Variants in MYO5B observed in about 807,000 individuals in gnomAD.
MYO5B encodes the protein myosin VB, also known as unconventional myosin-Vb.
A neutral mutation model predicts 229.3 loss-of-function variants in MYO5B; 143 were observed. That is an observed-to-expected ratio of 0.62 (90% CI 0.54 to 0.72). The LOEUF (loss-of-function observed/expected upper bound fraction) is 0.72. Among genes scored for constraint, MYO5B ranks in the 30% least tolerant of loss-of-function variants. The probability of loss-of-function intolerance (pLI) is 0.00; values close to 1 mark genes in which losing one functional copy is unlikely to be tolerated. For synonymous variants in MYO5B, 918 were observed against 885.2 expected (o/e 1.04, Z -0.66); for missense variants, 2,321 against 2,331.0 (o/e 1.00, Z 0.09).
intron 1 of MYO5B, among the ~76,000 whole-genome samples, chr18:50,122,934 G>T (rs1212628562): frequency 6.6e-6 from 1 of 152,150 alleles, no homozygotes; most frequent in East Asian, 1.9e-4. Context: ...GCTGAACACA[G>T]AATTACCATG....
At chr18:49,863,158 A>T in intron 29 of MYO5B, 69 bp downstream of exon 29, 1 of 1,247,946 alleles carries the variant, frequency 8.0e-7, no homozygotes, top group Non-Finnish European at 1.2e-6. Context: ...GGAAAACCCC[A>T]AACAGACTCG....
intron 1 of MYO5B, among the ~76,000 whole-genome samples, chr18:50,178,882 A>C (rs2033033299): frequency 1.3e-5 from 2 of 152,298 alleles, no homozygotes. Flanking sequence ...GTCAGATTTC[A>C]GGGATGTTAA....
intron 4 of MYO5B, among the ~76,000 whole-genome samples, chr18:50,021,151 G>A (rs143646507): frequency 1.3e-5 from 2 of 152,324 alleles, no homozygotes; most frequent in African/African-American, 4.8e-5. Context: ...CCTCCTCTGA[G>A]GAGCCATTGA....
chr18:49,987,815 C>G (rs2025886815), intron 7 of MYO5B, among the ~76,000 whole-genome samples: 1 of 152,142 alleles, frequency 6.6e-6, no homozygotes, highest in South Asian at 2.1e-4. Flanking sequence ...GATGTACCAC[C>G]AGAGATTGGT....
At chr18:49,875,945 T>G in intron 25 of MYO5B, 118 bp from the exon 26 acceptor site, 1 of 1,163,104 alleles carries the variant, frequency 8.6e-7, no homozygotes, top group South Asian at 1.3e-5. Context: ...CTCCCAAACA[T>G]CAATTTGCAT....
chr18:49,955,993 T>C (rs557027556), intron 12 of MYO5B, among the ~76,000 whole-genome samples: 1 of 152,232 alleles, frequency 6.6e-6, no homozygotes, highest in Non-Finnish European at 1.5e-5. Context: ...CTTCTTGCCT[T>C]GGAGATGAAA....
chr18:50,088,879 G>A (rs76943101), intron 1 of MYO5B, among the ~76,000 whole-genome samples: 5,770 of 152,152 alleles, frequency 0.038, 361 homozygotes, highest in African/African-American at 0.13. Context: ...CAAAAGACTT[G>A]GCCCAACAGA....
In MYO5B at chr18:50,025,625, A is replaced by T. The variant is rs114449072; in HGVS notation, c.455+11225T>A. Among the ~76,000 whole-genome samples, 711 of 152,362 alleles carry T rather than the reference A, an allele frequency of 4.7e-3. 5 individuals carry two copies. The highest frequency in any genetic ancestry group is 0.016 in the African/African-American group (662 of 41,586). On this transcript the variant is annotated intron_variant, in intron 4 of 39. Coordinates refer to ENST00000285039, the MANE Select transcript of MYO5B (RefSeq NM_001080467.3). ...TATATCCTAATAGAATCAAAGAGCT[A>T]CTAGACAGTGCAGTGCTCTTTAACC...
chr18:49,912,101 TTTGTCTGTGTTGGCGAGCTCTCTCTTC>T lies in MYO5B; in HGVS notation c.2136_2162del (p.Arg714_Lys722del). ...CCAGGACAGACCTGCAGATGGCCTT[TTTGTCTGTGTTGGCGAGCTCTCTCTTC>T]TTGACCAGCACCCGATACCGGTTGA... On this transcript the variant is annotated inframe_deletion, in exon 18 of 40. Coordinates refer to ENST00000285039, the MANE Select transcript of MYO5B (RefSeq NM_001080467.3). 1 of 1,614,070 alleles carries T rather than the reference TTTGTCTGTGTTGGCGAGCTCTCTCTTC, an allele frequency of 6.2e-7. No individual in the cohort carries two copies. The highest frequency in any genetic ancestry group is 1.3e-5 in the African/African-American group (1 of 75,004).
At chr18:50,000,753 G>T (rs1212741546) in intron 5 of MYO5B, among the ~76,000 whole-genome samples, 1 of 152,216 alleles carries the variant, frequency 6.6e-6, no homozygotes, top group Admixed American at 6.5e-5. Flanking sequence ...TTTCTGAGGA[G>T]CTTCAACAGA....
rs140442399 is a variant in MYO5B, at chr18:50,094,931, G to A, written c.28-39553C>T. The stretch of plus-strand genomic sequence containing the variant: ...CAACCTCCACTTCCTAGGCTCAAGT[G>A]ATTGTCATGCCTCAGCCTCCTGAGT... On this transcript the variant is annotated intron_variant, in intron 1 of 39. Transcript: ENST00000285039. Among the ~76,000 whole-genome samples the A allele has an allele frequency of 6.8e-4, 103 of 152,290 alleles. 1 individual carries two copies. Among genetic ancestry groups the A allele is most frequent in the African/African-American group, 2.5e-3 (102 of 41,544 alleles).
At chr18:49,843,774 C>G (rs1436370161) in intron 33 of MYO5B, among the ~76,000 whole-genome samples, 1 of 152,194 alleles carries the variant, frequency 6.6e-6, no homozygotes, top group Non-Finnish European at 1.5e-5. Context: ...GGCCTAGCTC[C>G]CACATGGGGG....
At chr18:49,942,396 A>AAAAAAAAAAAC (rs2025325765) in intron 14 of MYO5B, among the ~76,000 whole-genome samples, 1 of 134,012 alleles carries the variant, frequency 7.5e-6, no homozygotes, top group Non-Finnish European at 1.5e-5. Flanking sequence ...AAAAAAAAAA[A>AAAAAAAAAAAC]AAAAAAAAAC....
intron 1 of MYO5B, among the ~76,000 whole-genome samples, chr18:50,157,381 G>A (rs527773280): frequency 1.6e-4 from 24 of 152,092 alleles, no homozygotes; most frequent in African/African-American, 5.8e-4. Context: ...TTTGAATATG[G>A]GATAAAATCT....
At chr18:49,864,102 A>G (rs1355754396) in intron 28 of MYO5B, 39 bp downstream of exon 28, 4 of 1,600,860 alleles carry the variant, frequency 2.5e-6, no homozygotes, top group Non-Finnish European at 1.7e-6. Flanking sequence ...ACCTAGGGTC[A>G]CCCCTCGGCA....
At chr18:49,987,651 C>T (rs780704484) in intron 7 of MYO5B, among the ~76,000 whole-genome samples, 1 of 152,156 alleles carries the variant, frequency 6.6e-6, no homozygotes, top group Non-Finnish European at 1.5e-5. Flanking sequence ...TGGACTTGCA[C>T]ATCACCTGGG....
chr18:50,101,661 C>A (rs72917870), intron 1 of MYO5B, among the ~76,000 whole-genome samples: 2 of 151,858 alleles, frequency 1.3e-5, no homozygotes, highest in African/African-American at 4.8e-5. Context: ...CACGGATTAG[C>A]GAAATGCAAA....
intron 13 of MYO5B, 132 bp from the exon 14 acceptor site, chr18:49,953,475 T>C: frequency 1.3e-6 from 1 of 759,732 alleles, no homozygotes; most frequent in Admixed American, 2.0e-5. Context: ...ATGTTTCCAC[T>C]TAAAATGCAA....
intron 22 of MYO5B, among the ~76,000 whole-genome samples, chr18:49,885,787 G>A (rs901419196): frequency 2.0e-5 from 3 of 152,136 alleles, no homozygotes; most frequent in Admixed American, 6.5e-5. Flanking sequence ...AGAAGGCAGC[G>A]ACTCTCACTT....
Sources: allele counts gnomAD v4.1 joint callset (sites outside exome capture counted in the v4.1 genomes callset), GRCh38; gene constraint gnomAD v4.1.1; transcripts MANE v1.5; gene names NCBI Gene and HGNC (gene_info 2026-07-23, HGNC 2026-07-21).